AGK: variants seen among roughly 807,000 people sequenced by gnomAD.
The protein encoded by AGK is acylglycerol kinase, mitochondrial.
A neutral mutation model predicts 66.4 loss-of-function variants in AGK; 52 were observed. The observed-to-expected ratio is 0.78, with a 90% confidence interval of 0.63 to 0.99. AGK has a LOEUF of 0.99. Ranked by LOEUF, AGK falls within the 50% of genes least tolerant of loss-of-function variation. The probability of loss-of-function intolerance (pLI) is 0.00; values close to 1 mark genes in which losing one functional copy is unlikely to be tolerated. For synonymous variants in AGK, 182 were observed against 181.1 expected (o/e 1.00, Z -0.04); for missense variants, 451 against 506.6 (o/e 0.89, Z 1.05).
At chr7:141,596,044 C>G (rs1039202377) in intron 3 of AGK, among the ~76,000 whole-genome samples, 4 of 152,176 alleles carry the variant, frequency 2.6e-5, no homozygotes, top group African/African-American at 9.7e-5. Flanking sequence ...TTCTTTTCCC[C>G]TGCCAGTTGC....
chr7:141,634,616 T>G (rs535769682), intron 10 of AGK, among the ~76,000 whole-genome samples: 20 of 152,176 alleles, frequency 1.3e-4, no homozygotes, highest in Non-Finnish European at 2.4e-4. Flanking sequence ...CATGTTCCAT[T>G]TGCTGTGGAG....
In AGK at chr7:141,654,649, C is replaced by T. The variant is rs926223812; in HGVS notation, c.*1725C>T. 5 of 152,300 alleles carry T rather than the reference C, an allele frequency of 3.3e-5. No homozygotes were observed. Among genetic ancestry groups the T allele is most frequent in the African/African-American group, 9.6e-5 (4 of 41,554 alleles). 9.4% of individuals were successfully genotyped at this position (152,300 alleles called of 1,614,324 possible). On this transcript the variant is annotated 3_prime_UTR_variant, in exon 16 of 16. Coordinates refer to ENST00000649286, the MANE Select transcript of AGK (RefSeq NM_018238.4). ...TTGTTCAGTGGCCCTGAGGTTCTTA[C>T]ACTCTAGGGGGCAGTGCACCACAGG...
chr7:141,641,153 G>C (rs1213090379), intron 11 of AGK, 95 bp from the exon 12 acceptor site: 1 of 1,184,600 alleles, frequency 8.4e-7, no homozygotes, highest in Non-Finnish European at 1.2e-6. Context: ...CTTTCTAGCA[G>C]GTATAGGTAG....
intron 8 of AGK, 170 bp downstream of exon 8, chr7:141,615,735 C>T: frequency 1.6e-6 from 1 of 612,936 alleles, no homozygotes; most frequent in East Asian, 2.8e-5. Context: ...AGTCTCCCAA[C>T]TTGGTTGTGG....
intron 8 of AGK, among the ~76,000 whole-genome samples, chr7:141,616,695 C>T (rs1473696180): frequency 6.6e-6 from 1 of 151,898 alleles, no homozygotes; most frequent in East Asian, 1.9e-4. Context: ...TATTCATTAG[C>T]CATCCTGAGG....
intron 2 of AGK, among the ~76,000 whole-genome samples, chr7:141,570,144 T>A (rs568246698): frequency 6.6e-6 from 1 of 152,194 alleles, no homozygotes; most frequent in South Asian, 2.1e-4. Flanking sequence ...TCCCAACACT[T>A]TGGGAGGCTG....
At chr7:141,638,022 A>C (rs1420714437) in intron 11 of AGK, among the ~76,000 whole-genome samples, 1 of 152,192 alleles carries the variant, frequency 6.6e-6, no homozygotes, top group Non-Finnish European at 1.5e-5. Flanking sequence ...TTTAGGAAGA[A>C]ATAGAGTAGC....
chr7:141,639,012 G>A (rs1249397396), intron 11 of AGK, among the ~76,000 whole-genome samples: 1 of 152,066 alleles, frequency 6.6e-6, no homozygotes, highest in Non-Finnish European at 1.5e-5. Context: ...AACATTTAAA[G>A]AACCACCAAA....
intron 2 of AGK, among the ~76,000 whole-genome samples, chr7:141,580,769 C>T (rs563223502): frequency 3.9e-5 from 6 of 152,064 alleles, no homozygotes; most frequent in African/African-American, 1.2e-4. Context: ...GGCCACAGGG[C>T]GTGATCCTGG....
At chr7:141,609,650 A>G (rs1433263507) in intron 5 of AGK, among the ~76,000 whole-genome samples, 1 of 152,186 alleles carries the variant, frequency 6.6e-6, no homozygotes, top group Non-Finnish European at 1.5e-5. Flanking sequence ...GATCAATTAA[A>G]TCATTGGCCA....
At chr7:141,619,299 T>C (rs1395148102) in intron 8 of AGK, among the ~76,000 whole-genome samples, 2 of 152,138 alleles carry the variant, frequency 1.3e-5, no homozygotes, top group African/African-American at 4.8e-5. Context: ...ATACTTACTC[T>C]AAAGCTACAG....
At chr7:141,631,466 A>G (rs1797054750) in intron 9 of AGK, among the ~76,000 whole-genome samples, 1 of 152,196 alleles carries the variant, frequency 6.6e-6, no homozygotes, top group African/African-American at 2.4e-5. Context: ...TTAAATGATC[A>G]CTTATACTTT....
chr7:141,578,976 C>A (rs1306145685), intron 2 of AGK, among the ~76,000 whole-genome samples: 1 of 151,528 alleles, frequency 6.6e-6, no homozygotes, highest in East Asian at 1.9e-4. Flanking sequence ...CAGTGTAAAC[C>A]GGCAGTGTAA....
chr7:141,604,326 C>G (rs1454570277), intron 5 of AGK, among the ~76,000 whole-genome samples: 1 of 148,094 alleles, frequency 6.8e-6, no homozygotes, highest in African/African-American at 2.5e-5. Context: ...TACACATGCT[C>G]TCTCTTTACA....
In AGK at chr7:141,654,469, A is replaced by AAGAATTATTAATGATGATCT. The variant is rs1168234337; in HGVS notation, c.*1547_*1566dup. ...ACAAAGATCACAGTGCTCTATCATC[A>AAGAATTATTAATGATGATCT]AGAATTATTAATGATGATCTATCAA... On this transcript the variant is annotated 3_prime_UTR_variant, in exon 16 of 16. Coordinates refer to ENST00000649286, the MANE Select transcript of AGK (RefSeq NM_018238.4). 1 of 152,250 alleles carries AAGAATTATTAATGATGATCT rather than the reference A, an allele frequency of 6.6e-6. No individual in the cohort carries two copies. The highest frequency in any genetic ancestry group is 2.4e-5 in the African/African-American group (1 of 41,468). The allele number at this position is 152,250 out of a possible 1,614,324, so 9.4% of individuals were successfully genotyped here.
intron 2 of AGK, among the ~76,000 whole-genome samples, chr7:141,563,575 T>A (rs1415437639): frequency 1.3e-5 from 2 of 152,166 alleles, no homozygotes; most frequent in South Asian, 4.1e-4. Flanking sequence ...TTCCTTGACT[T>A]CTTCTGTATC....
In AGK at chr7:141,615,461, C is replaced by T. The variant is rs1205949997; in HGVS notation, c.424-10C>T. ...TAACAATAAAACTTTCCTCTTCTTT[C>T]CCCCCCCAGGCTACCTTCAGTAAGA... On this transcript the variant is annotated splice_polypyrimidine_tract_variant and intron_variant, in intron 7 of 15. Coordinates refer to ENST00000649286, the MANE Select transcript of AGK (RefSeq NM_018238.4). The T allele has an allele frequency of 1.3e-6, 2 of 1,584,638 alleles. No individual in the cohort carries two copies. The highest frequency in any genetic ancestry group is 1.7e-6 in the Non-Finnish European group (2 of 1,156,996).
At chr7:141,626,288 A>G (rs768044624) in intron 9 of AGK, among the ~76,000 whole-genome samples, 1 of 152,234 alleles carries the variant, frequency 6.6e-6, no homozygotes, top group Non-Finnish European at 1.5e-5. Flanking sequence ...ATGAGTTTCC[A>G]GTGATATTTC....
At chr7:141,570,326 G>T (rs562758201) in intron 2 of AGK, among the ~76,000 whole-genome samples, 10 of 152,064 alleles carry the variant, frequency 6.6e-5, no homozygotes, top group Non-Finnish European at 1.2e-4. Context: ...GGCGGAGGTT[G>T]CAGTGAGCCG....
Sources: gnomAD v4.1 joint callset for allele counts (sites outside exome capture counted in the v4.1 genomes callset) on GRCh38, gnomAD v4.1.1 for gene constraint, MANE v1.5 for transcripts, NCBI Gene and HGNC (gene_info 2026-07-23, HGNC 2026-07-21) for gene names.